The following FSTL5 variants were observed in gnomAD, a reference collection of about 807,000 sequenced individuals.
The protein encoded by FSTL5 is follistatin-related protein 5.
A neutral mutation model predicts 89.1 loss-of-function variants in FSTL5; 62 were observed. That is an observed-to-expected ratio of 0.70 (90% CI 0.57 to 0.86). The LOEUF is 0.86. Ranked by LOEUF, FSTL5 falls within the 40% of genes least tolerant of loss-of-function variation. The pLI, the probability that FSTL5 is intolerant of heterozygous loss-of-function variation, is 0.00. For synonymous variants in FSTL5, 383 were observed against 346.2 expected (o/e 1.11, Z -1.18); for missense variants, 1,057 against 1,001.6 (o/e 1.06, Z -0.75).
At position 162,066,394 on chromosome 4, in the gene FSTL5, TC is replaced by T. The variant is rs200101943; in HGVS notation, c.127-32737del. 6.3e-5 allele frequency among the ~76,000 whole-genome samples: 9 copies of T among 142,834 alleles called. No individual in the cohort carries two copies. In the East Asian group the frequency reaches 1.2e-3, roughly 20 times the overall value. 93.7% of individuals were successfully genotyped at this position (142,834 alleles called of 152,430 possible). A position where few individuals can be genotyped will look rare whatever the true frequency, so the allele number is the denominator to read the frequency against. ...TTCTCCTTCTTCTTCTTCTTCATTTTCCTTTTTTTTTTCAGTTTTTCACCTT... is the reference window on the plus strand; with the variant it reads ...TTCTCCTTCTTCTTCTTCTTCATTTTCTTTTTTTTTTCAGTTTTTCACCTT... On this transcript the variant is annotated intron_variant, in intron 2 of 15. Transcript: ENST00000306100.
intron 4 of FSTL5, among the ~76,000 whole-genome samples, chr4:161,914,810 C>T (rs554723216): frequency 6.6e-6 from 1 of 152,158 alleles, no homozygotes; most frequent in East Asian, 1.9e-4. Context: ...CAAATGTGTA[C>T]ATTTACTAAA....
At position 161,633,410 on chromosome 4, in the gene FSTL5, G is replaced by A. The variant is rs1206228107; in HGVS notation, c.894+22918C>T. Among the ~76,000 whole-genome samples the A allele has an allele frequency of 5.3e-5, 8 of 151,434 alleles. No individual in the cohort carries two copies. In the East Asian group the frequency reaches 7.8e-4, roughly 15 times the overall value. On this transcript the variant is annotated intron_variant, in intron 7 of 15. Transcript: ENST00000306100. ...TCACCAGTTTGGAGTGCAGTGGCGC[G>A]ATCGCGGCTCACTGCAACCTCTGCC...
intron 1 of FSTL5, among the ~76,000 whole-genome samples, chr4:162,129,154 A>G (rs983483716): frequency 7.2e-5 from 11 of 152,190 alleles, no homozygotes; most frequent in African/African-American, 2.7e-4. Flanking sequence ...GCTGGTCTTG[A>G]ACTCCTGACC....
At chr4:161,431,187 C>T (rs1044150084) in intron 15 of FSTL5, among the ~76,000 whole-genome samples, 2 of 152,116 alleles carry the variant, frequency 1.3e-5, no homozygotes, top group African/African-American at 4.8e-5. Flanking sequence ...GTATAAACTA[C>T]TCATATCTTG....
At chr4:161,781,462 T>C (rs1162593826) in intron 4 of FSTL5, among the ~76,000 whole-genome samples, 1 of 152,194 alleles carries the variant, frequency 6.6e-6, no homozygotes, top group Non-Finnish European at 1.5e-5. Context: ...AAGCTTACTA[T>C]GTTTCAGGTA....
chr4:161,652,974 T>C (rs1736393189), intron 7 of FSTL5, among the ~76,000 whole-genome samples: 1 of 152,194 alleles, frequency 6.6e-6, no homozygotes, highest in Non-Finnish European at 1.5e-5. Flanking sequence ...TATGACCCTT[T>C]TGAAAGTCTT....
chr4:162,150,230 T>G (rs145292992), intron 1 of FSTL5, among the ~76,000 whole-genome samples: 2 of 152,128 alleles, frequency 1.3e-5, no homozygotes, highest in African/African-American at 4.8e-5. Context: ...AAAATCAGTT[T>G]ACATGGAAAA....
chr4:161,394,396 C>T (rs113049184), intron 15 of FSTL5, among the ~76,000 whole-genome samples: 29,347 of 152,078 alleles, frequency 0.19, 3,369 homozygotes, highest in Non-Finnish European at 0.26. Context: ...CTGCCTCAGC[C>T]TCCCAAATAG....
At chr4:161,585,116 G>A (rs1321632687) in intron 8 of FSTL5, among the ~76,000 whole-genome samples, 1 of 152,110 alleles carries the variant, frequency 6.6e-6, no homozygotes, top group Non-Finnish European at 1.5e-5. Context: ...TTCATGGGAG[G>A]GGATGAAACA....
chr4:161,517,317 G>C (rs1730875095), intron 10 of FSTL5, among the ~76,000 whole-genome samples: 1 of 152,080 alleles, frequency 6.6e-6, no homozygotes, highest in Non-Finnish European at 1.5e-5. Context: ...AAAATTATCT[G>C]CTTTGATATC....
At chr4:161,584,474 A>G (rs1733540032) in intron 8 of FSTL5, among the ~76,000 whole-genome samples, 1 of 152,146 alleles carries the variant, frequency 6.6e-6, no homozygotes, top group Admixed American at 6.5e-5. Flanking sequence ...TCTTTACTGG[A>G]TTATTCCCAT....
At chr4:161,768,652 T>C (rs956191437) in intron 5 of FSTL5, among the ~76,000 whole-genome samples, 2 of 151,930 alleles carry the variant, frequency 1.3e-5, no homozygotes, top group African/African-American at 4.8e-5. Flanking sequence ...CAAATATTCA[T>C]GCCATTTTGC....
chr4:161,907,712 T>A (rs573743070), intron 4 of FSTL5, among the ~76,000 whole-genome samples: 1 of 152,066 alleles, frequency 6.6e-6, no homozygotes, highest in Non-Finnish European at 1.5e-5. Context: ...CTTAGTAAGG[T>A]TGACGATGAG....
intron 13 of FSTL5, among the ~76,000 whole-genome samples, chr4:161,474,086 T>C (rs1484901267): frequency 1.3e-5 from 2 of 152,210 alleles, no homozygotes; most frequent in South Asian, 2.1e-4. Flanking sequence ...ATGAAATGTT[T>C]AAATTTCTCA....
chr4:161,673,208 GCCTGTA>G (rs1375833876), intron 6 of FSTL5, among the ~76,000 whole-genome samples: 1 of 151,932 alleles, frequency 6.6e-6, no homozygotes, highest in Non-Finnish European at 1.5e-5. Flanking sequence ...ACATGATTCC[GCCTGTA>G]CCTATTTCAG....
intron 1 of FSTL5, among the ~76,000 whole-genome samples, chr4:162,160,110 G>T (rs921587751): frequency 6.6e-6 from 1 of 151,772 alleles, no homozygotes; most frequent in East Asian, 1.9e-4. Flanking sequence ...ATACATATAT[G>T]TGTAAATATA....
At chr4:161,433,365 G>A (rs1732448583) in intron 15 of FSTL5, among the ~76,000 whole-genome samples, 1 of 151,720 alleles carries the variant, frequency 6.6e-6, no homozygotes, top group Admixed American at 6.6e-5. Context: ...ATCCCTTTAT[G>A]ATTAAAAAAA....
chr4:162,132,524 C>T (rs1269503797), intron 1 of FSTL5, among the ~76,000 whole-genome samples: 4 of 152,080 alleles, frequency 2.6e-5, no homozygotes, highest in Non-Finnish European at 4.4e-5. Flanking sequence ...GTAACACTCA[C>T]CGCGAGGGTC....
intron 2 of FSTL5, among the ~76,000 whole-genome samples, chr4:162,083,667 T>C (rs1013245369): frequency 1.3e-5 from 2 of 151,842 alleles, no homozygotes; most frequent in African/African-American, 4.8e-5. Context: ...TAGGGACTTC[T>C]GAAATACTTG....
Sources: allele counts gnomAD v4.1 joint callset (sites outside exome capture counted in the v4.1 genomes callset), GRCh38; gene constraint gnomAD v4.1.1; transcripts MANE v1.5; gene names NCBI Gene and HGNC (gene_info 2026-07-23, HGNC 2026-07-21).